Variants in NRG3 observed in about 807,000 individuals in gnomAD.
NRG3 encodes the protein neuregulin 3.
Under a neutral mutation model 66.9 loss-of-function variants are expected in NRG3, and 31 were observed. The ratio of observed to expected loss-of-function variants is 0.46; its 90% CI spans 0.35 to 0.63. The LOEUF (loss-of-function observed/expected upper bound fraction) is 0.63. Ranked by LOEUF, NRG3 falls within the 20% of genes least tolerant of loss-of-function variation. NRG3 has a pLI of 0.00. For synonymous variants in NRG3, 393 were observed against 359.4 expected, an observed-to-expected ratio of 1.09 and a Z score of -1.06; for missense variants, 910 against 878.9, an observed-to-expected ratio of 1.04 and a Z score of -0.45.
rs185530016 is a variant in NRG3 at position 81,982,118 on chromosome 10, A to G, written c.823+105955A>G. ...AATCTCTTTCCTCTTGCAGTTTACTATAAGCAGTAAGGAGAAACTAGACTG... is the reference window on the plus strand; with the variant it reads ...AATCTCTTTCCTCTTGCAGTTTACTGTAAGCAGTAAGGAGAAACTAGACTG... On this transcript the variant is annotated intron_variant, in intron 1 of 8. Coordinates refer to ENST00000372141, the MANE Select transcript of NRG3 (RefSeq NM_001010848.4). 2.2e-3 allele frequency among the ~76,000 whole-genome samples: 329 copies of G among 152,302 alleles called. 1 individual carries two copies. The highest frequency in any genetic ancestry group is 0.01 in the Middle Eastern group (3 of 294).
intron 1 of NRG3, among the ~76,000 whole-genome samples, chr10:82,290,431 C>A (rs899707742): frequency 6.6e-6 from 1 of 152,052 alleles, no homozygotes; most frequent in Non-Finnish European, 1.5e-5. Flanking sequence ...ATTTATACTG[C>A]GAATTAACAC....
At chr10:82,476,541 C>T (rs575686255) in intron 2 of NRG3, among the ~76,000 whole-genome samples, 10 of 152,202 alleles carry the variant, frequency 6.6e-5, no homozygotes, top group African/African-American at 1.9e-4. Context: ...GAAGAAAATT[C>T]GAACACATGC....
At chr10:82,980,019 C>T (rs1356368959) in intron 8 of NRG3, among the ~76,000 whole-genome samples, 1 of 151,952 alleles carries the variant, frequency 6.6e-6, no homozygotes, top group Admixed American at 6.6e-5. Context: ...GCCTGGGCAA[C>T]ATGGCAAAAC....
chr10:82,154,413 T>C (rs575950572), intron 1 of NRG3, among the ~76,000 whole-genome samples: 6 of 152,162 alleles, frequency 3.9e-5, no homozygotes, highest in Admixed American at 3.9e-4. Flanking sequence ...GGCTCTCTGT[T>C]CTGTTCCATT....
At chr10:82,781,757 GA>G (rs751414328) in intron 3 of NRG3, among the ~76,000 whole-genome samples, 4 of 152,042 alleles carry the variant, frequency 2.6e-5, no homozygotes, top group Non-Finnish European at 4.4e-5. Context: ...TGGGGTCAGG[GA>G]AGGCATCTTC....
chr10:82,362,246 A>C (rs1366080446), intron 2 of NRG3, among the ~76,000 whole-genome samples: 1 of 147,840 alleles, frequency 6.8e-6, no homozygotes, highest in East Asian at 2.0e-4. Context: ...TTAATTAAAA[A>C]AAAAAAACTT....
chr10:81,948,402 T>A (rs1023761856), intron 1 of NRG3, among the ~76,000 whole-genome samples: 10 of 152,282 alleles, frequency 6.6e-5, no homozygotes, highest in African/African-American at 2.4e-4. Flanking sequence ...GGTCATAGTT[T>A]ATATTTCTTG....
intron 1 of NRG3, among the ~76,000 whole-genome samples, chr10:82,200,227 G>A (rs574458975): frequency 7.2e-5 from 11 of 152,222 alleles, no homozygotes; most frequent in Admixed American, 3.9e-4. Flanking sequence ...AATTGGTGTT[G>A]TTGTTGAGGT....
At chr10:82,718,742 A>G (rs2057122958) in intron 2 of NRG3, among the ~76,000 whole-genome samples, 1 of 152,252 alleles carries the variant, frequency 6.6e-6, no homozygotes, top group Non-Finnish European at 1.5e-5. Flanking sequence ...CCGTTTCTAC[A>G]TAAAATGATG....
chr10:82,083,131 C>T (rs1339238314), intron 1 of NRG3, among the ~76,000 whole-genome samples: 2 of 151,946 alleles, frequency 1.3e-5, no homozygotes, highest in Admixed American at 6.6e-5. Context: ...AAATACCACT[C>T]ACACACATGA....
intron 2 of NRG3, among the ~76,000 whole-genome samples, chr10:82,522,030 C>T (rs965304473): frequency 9.3e-5 from 14 of 149,744 alleles, no homozygotes; most frequent in Middle Eastern, 3.5e-3. Context: ...GTTACTTTTC[C>T]GCTGAAGTCT....
At chr10:82,017,651 T>C (rs2061847671) in intron 1 of NRG3, among the ~76,000 whole-genome samples, 1 of 152,220 alleles carries the variant, frequency 6.6e-6, no homozygotes, top group African/African-American at 2.4e-5. Context: ...TGAGATGGTA[T>C]CTCATTGTGG....
intron 2 of NRG3, among the ~76,000 whole-genome samples, chr10:82,435,015 A>G (rs1224253576): frequency 6.6e-6 from 1 of 152,108 alleles, no homozygotes; most frequent in Non-Finnish European, 1.5e-5. Context: ...TTTCAGAAGT[A>G]ATGGTACCAG....
At chr10:82,359,398 A>G (rs2083981223) in intron 2 of NRG3, among the ~76,000 whole-genome samples, 1 of 152,074 alleles carries the variant, frequency 6.6e-6, no homozygotes, top group African/African-American at 2.4e-5. Context: ...CTGATGAAAC[A>G]CTCTCCAGCA....
intron 3 of NRG3, among the ~76,000 whole-genome samples, chr10:82,833,346 G>A (rs1352927617): frequency 6.6e-6 from 1 of 152,070 alleles, no homozygotes; most frequent in African/African-American, 2.4e-5. Flanking sequence ...CTGCTCTCTA[G>A]GAAGATAGGG....
chr10:82,714,803 G>T (rs79856310), intron 2 of NRG3, among the ~76,000 whole-genome samples: 2 of 151,816 alleles, frequency 1.3e-5, no homozygotes, highest in South Asian at 4.2e-4. Flanking sequence ...ATTTTTCCTT[G>T]CCCACCTCAT....
At chr10:82,930,459 C>T (rs1244860256) in intron 4 of NRG3, among the ~76,000 whole-genome samples, 1 of 152,122 alleles carries the variant, frequency 6.6e-6, no homozygotes, top group Non-Finnish European at 1.5e-5. Flanking sequence ...AGTCTAATGA[C>T]TTTTGAGTGC....
intron 6 of NRG3, among the ~76,000 whole-genome samples, chr10:82,968,968 C>T (rs1851473694): frequency 6.6e-6 from 1 of 152,154 alleles, no homozygotes; most frequent in African/African-American, 2.4e-5. Context: ...AAGGTTTTCC[C>T]TTATAAAACT....
intron 1 of NRG3, among the ~76,000 whole-genome samples, chr10:81,904,681 TC>T (rs1034632936): frequency 4.6e-5 from 7 of 152,134 alleles, no homozygotes; most frequent in Non-Finnish European, 8.8e-5. Flanking sequence ...CTCAGATAAA[TC>T]AGCAATCTTT....
Sources: allele counts gnomAD v4.1 joint callset (sites outside exome capture counted in the v4.1 genomes callset), GRCh38; gene constraint gnomAD v4.1.1; transcripts MANE v1.5; gene names NCBI Gene and HGNC (gene_info 2026-07-23, HGNC 2026-07-21).